ERF: variants seen among roughly 807,000 people sequenced by gnomAD.
ERF encodes ETS2 repressor factor, also known as ETS domain-containing transcription factor ERF.
A neutral mutation model predicts 41.6 loss-of-function variants in ERF; 10 were observed. The observed-to-expected ratio is 0.24, with a 90% CI of 0.15 to 0.41. ERF has a LOEUF of 0.41. Ranked by LOEUF, ERF falls within the 10% of genes least tolerant of loss-of-function variation. ERF has a pLI of 1.00. For missense variants in ERF, 621 were observed against 763.2 expected, an observed-to-expected ratio of 0.81 and a Z score of 2.19; for synonymous variants, 395 against 342.4, an observed-to-expected ratio of 1.15 and a Z score of -1.70.
rs370084630 is a variant in ERF at position 42,254,043 on chromosome 19, G to A, written c.22+935C>T. 278 of 545,914 alleles carry A rather than the reference G, an allele frequency of 5.1e-4. 8 individuals carry two copies. The East Asian group carries it at 0.027, about 54-fold the overall frequency. 33.8% of individuals were successfully genotyped at this position (545,914 alleles called of 1,614,324 possible). A position where few individuals can be genotyped will look rare whatever the true frequency, so the allele number is the denominator to read the frequency against. On this transcript the variant is annotated intron_variant, in intron 1 of 3. Transcript: ENST00000222329. ...CAAAGTCCAGCCCGCGCGAGCCCGG[G>A]GGCGGCGGGGGAGGGGAGGGGGAAA...
At chr19:42,253,449 G>GC (rs1278974132) in intron 1 of ERF, among the ~76,000 whole-genome samples, 1 of 151,602 alleles carries the variant, frequency 6.6e-6, no homozygotes, top group Non-Finnish European at 1.5e-5. Context: ...ACACTGTCCC[G>GC]CCCCCCGACA....
rs142701692 is a variant in ERF at position 42,248,562 on chromosome 19, C to G, written c.1550G>C (p.Gly517Ala). 27 of 1,566,896 alleles carry G rather than the reference C, an allele frequency of 1.7e-5. No individual in the cohort carries two copies. The African/African-American group carries it at 3.6e-4, about 21-fold the overall frequency. Residue 517 changes from glycine to alanine, a missense_variant, in exon 4 of 4, where the codon GGG becomes GCG. Coordinates refer to ENST00000222329, the MANE Select transcript of ERF (RefSeq NM_006494.4). The surrounding 1 kb of genome is among the most constrained non-coding windows in gnomAD (Gnocchi z 4.2). ...EGEDKKVRGE[G>A]PGEAGGPLTP... Reference sequence around the variant, plus strand: ...GAGGGGCCCCCCAGCCTCCCCAGGCCCCTCCCCACGCACCTTCTTGTCCTC... The same window carrying G: ...GAGGGGCCCCCCAGCCTCCCCAGGCGCCTCCCCACGCACCTTCTTGTCCTC...
rs1418120327 is a variant in ERF, at chr19:42,249,979, C to T, written c.258-37G>A. ...GAAATGCCATTGGGAAGGTCAGGTA[C>T]GTGGGACCCAGGTCTAGACTCCACA... On this transcript the variant is annotated intron_variant, in intron 2 of 3. Coordinates refer to ENST00000222329, the MANE Select transcript of ERF (RefSeq NM_006494.4). The surrounding 1 kb of genome is among the most constrained non-coding windows in gnomAD (Gnocchi z 8.6). 40 of 1,590,912 alleles carry T rather than the reference C, an allele frequency of 2.5e-5. No homozygotes were observed. The highest frequency in any genetic ancestry group is 2.2e-4 in the South Asian group (20 of 90,584).
chr19:42,249,062 C>T lies in ERF; in HGVS notation c.1050G>A (p.Leu350=). 3 of 1,612,874 alleles carry T rather than the reference C, an allele frequency of 1.9e-6. No individual in the cohort carries two copies. Among genetic ancestry groups the T allele is most frequent in the Non-Finnish European group, 2.5e-6 (3 of 1,179,484 alleles). The change falls in exon 4 of 4, where the codon CTG becomes CTA. Residue 350 remains leucine (L), a synonymous_variant. Coordinates refer to ENST00000222329, the MANE Select transcript of ERF (RefSeq NM_006494.4). The surrounding 1 kb of genome is among the most constrained non-coding windows in gnomAD (Gnocchi z 8.6). ...PQPQRPDKCP[L]PPMAPETPPV... is the part of the protein sequence containing the mutation. ...GTGGGGTCTCGGGTGCCATGGGCGGCAGCGGGCACTTGTCAGGGCGCTGGG... is the reference window on the plus strand; with the variant it reads ...GTGGGGTCTCGGGTGCCATGGGCGGTAGCGGGCACTTGTCAGGGCGCTGGG...
Position 42,254,919 on chromosome 19 carries a change from T to C in ERF, c.22+59A>G, listed in dbSNP as rs907844592. 13 of 1,505,984 alleles carry C rather than the reference T, an allele frequency of 8.6e-6. No individual in the cohort carries two copies. In the African/African-American group the frequency reaches 8.9e-5, roughly 10 times the overall value. The allele number at this position is 1,505,984 out of a possible 1,614,324, so 93.3% of individuals were successfully genotyped here. On this transcript the variant is annotated intron_variant, in intron 1 of 3. Coordinates refer to ENST00000222329, the MANE Select transcript of ERF (RefSeq NM_006494.4). ...GGACCCCTTCAGCCCCCCCAAAGTT[T>C]CTCCGTTCGGTTTCCCGGGGCAACA... is the stretch of plus-strand genomic sequence containing the variant.
Position 42,249,062 on chromosome 19 carries a change from C to G in ERF, c.1050G>C (p.Leu350=), listed in dbSNP as rs772094252. The G allele has an allele frequency of 1.2e-6, 2 of 1,612,874 alleles. No individual in the cohort carries two copies. Among genetic ancestry groups the G allele is most frequent in the South Asian group, 2.2e-5 (2 of 91,042 alleles). The change falls in exon 4 of 4, where the codon CTG becomes CTC. Residue 350 remains leucine, a synonymous_variant. Coordinates refer to ENST00000222329, the MANE Select transcript of ERF (RefSeq NM_006494.4). This position sits in a 1 kb window ranked among gnomAD's most constrained non-coding sequence, Gnocchi z 8.6. ...PQPQRPDKCP[L]PPMAPETPPV... is the part of the protein sequence containing the mutation. ...GTGGGGTCTCGGGTGCCATGGGCGG[C>G]AGCGGGCACTTGTCAGGGCGCTGGG...
rs772282991 is a variant in ERF, at chr19:42,248,705, G to A, written c.1407C>T (p.Gly469=). Residue 469 remains glycine (G), a synonymous_variant, in exon 4 of 4, where the codon GGC becomes GGT. Transcript: ENST00000222329. The surrounding 1 kb of genome is among the most constrained non-coding windows in gnomAD (Gnocchi z 4.2). The stretch of plus-strand genomic sequence containing the variant: ...TGCACTGGGATGCCCCGGGTGCCTC[G>A]CCGGGCTCAGGCTTAGGGGGTGCAG... ...APPAPPKPEP[G]EAPGASQCMP... The A allele has an allele frequency of 1.7e-5, 28 of 1,612,328 alleles. No individual in the cohort carries two copies. Among genetic ancestry groups the A allele is most frequent in the South Asian group, 1.3e-4 (12 of 91,016 alleles).
rs2036421043 is a variant in ERF at position 42,250,226 on chromosome 19, G to T, written c.257+105C>A. On this transcript the variant is annotated intron_variant, in intron 2 of 3. Coordinates refer to ENST00000222329, the MANE Select transcript of ERF (RefSeq NM_006494.4). The surrounding 1 kb of genome is among the most constrained non-coding windows in gnomAD (Gnocchi z 5.1). Reference sequence around the variant, plus strand: ...GCCCAAGGTCACACAGCTAGGATTTGGCAAAGCCAGGGGTCAGACCCAATG... The same window carrying T: ...GCCCAAGGTCACACAGCTAGGATTTTGCAAAGCCAGGGGTCAGACCCAATG... 2.2e-6 allele frequency: 3 copies of T among 1,335,596 alleles called. No individual in the cohort carries two copies. Among genetic ancestry groups the T allele is most frequent in the South Asian group, 1.4e-5 (1 of 73,592 alleles). The allele number at this position is 1,335,596 out of a possible 1,614,324, so 82.7% of individuals were successfully genotyped here.
Position 42,248,952 on chromosome 19 carries a change from C to T in ERF, c.1160G>A (p.Arg387Gln), listed in dbSNP as rs1476179769. The part of the protein sequence containing the change: ...FKLQPPPLGR[R>Q]QRAAGEKAVA... Reference sequence around the variant, plus strand: ...GGCCTTCTCCCCAGCTGCCCGCTGCCGGCGTCCGAGTGGGGGCGGCTGGAG... The same window carrying T: ...GGCCTTCTCCCCAGCTGCCCGCTGCTGGCGTCCGAGTGGGGGCGGCTGGAG... Residue 387 changes from arginine to glutamine, a missense_variant, in exon 4 of 4, where the codon CGG (arginine) becomes CAG (glutamine). This residue lies in a region of ERF where 569 missense variants were observed against 625.5 expected (regional missense o/e 0.91). Coordinates refer to ENST00000222329, the MANE Select transcript of ERF (RefSeq NM_006494.4). This position sits in a 1 kb window ranked among gnomAD's most constrained non-coding sequence, Gnocchi z 4.2. 4 of 1,606,466 alleles carry T rather than the reference C, an allele frequency of 2.5e-6. No individual in the cohort carries two copies. Among genetic ancestry groups the T allele is most frequent in the Non-Finnish European group, 8.5e-7 (1 of 1,179,618 alleles).
At chr19:42,253,134 C>A (rs574614234) in intron 1 of ERF, among the ~76,000 whole-genome samples, 38 of 152,330 alleles carry the variant, frequency 2.5e-4, no homozygotes, top group African/African-American at 8.7e-4. Context: ...CCCCCAACCT[C>A]ACGTGACGGC....
intron 1 of ERF, among the ~76,000 whole-genome samples, chr19:42,254,313 G>A (rs1402078907): frequency 6.6e-6 from 1 of 152,052 alleles, no homozygotes; most frequent in Admixed American, 6.5e-5. Context: ...AGGGTACCCA[G>A]GTCTCCCCGG....
Position 42,250,420 on chromosome 19 carries a change from G to A in ERF, c.168C>T (p.Val56=). Reference sequence around the variant, plus strand: ...GGGCCACCTCATCAGGGTCTTTGATGACGAATTCCCCGTAGTCCCCCTGCC... The same window carrying A: ...GGGCCACCTCATCAGGGTCTTTGATAACGAATTCCCCGTAGTCCCCCTGCC... ...IAWQGDYGEF[V]IKDPDEVARL... is the part of the protein sequence containing the mutation. The change falls in exon 2 of 4, where the codon GTC becomes GTT. Residue 56 remains valine, a synonymous_variant. Transcript: ENST00000222329. This position sits in a 1 kb window ranked among gnomAD's most constrained non-coding sequence, Gnocchi z 5.1. 1 of 1,613,748 alleles carries A rather than the reference G, an allele frequency of 6.2e-7. No individual in the cohort carries two copies. The highest frequency in any genetic ancestry group is 8.5e-7 in the Non-Finnish European group (1 of 1,180,044).
chr19:42,249,658 C>T lies in ERF; in HGVS notation c.454G>A (p.Val152Met). The T allele has an allele frequency of 1.2e-6, 2 of 1,606,172 alleles. No homozygotes were observed. The highest frequency in any genetic ancestry group is 1.1e-5 in the South Asian group (1 of 90,024). Residue 152 changes from valine (V) to methionine (M), a missense_variant, in exon 4 of 4, where the codon GTG becomes ATG. Physicochemically the swap from Val to Met is conservative, Grantham distance 21. Coordinates refer to ENST00000222329, the MANE Select transcript of ERF (RefSeq NM_006494.4). The surrounding 1 kb of genome is among the most constrained non-coding windows in gnomAD (Gnocchi z 8.6). ...FRFPPSTPSEVLSPTEDPRSP... is the reference protein window; with the variant it reads ...FRFPPSTPSEMLSPTEDPRSP... ...CGGGGGTCCTCGGTGGGGGACAGCA[C>T]CTCGGAGGGCGTTGAGGGAGGGAAG...
Position 42,249,037 on chromosome 19 carries a change from G to A in ERF, c.1075C>T (p.Pro359Ser), listed in dbSNP as rs747311260. 5.0e-6 allele frequency: 8 copies of A among 1,611,776 alleles called. No individual in the cohort carries two copies. In the East Asian group the frequency reaches 1.3e-4, roughly 27 times the overall value. ...GATGACGAGGCCGAGGAGGGGACCGGTGGGGTCTCGGGTGCCATGGGCGGC... is the reference window on the plus strand; with the variant it reads ...GATGACGAGGCCGAGGAGGGGACCGATGGGGTCTCGGGTGCCATGGGCGGC... ...PLPPMAPETP[P>S]VPSSASSSSS... The change falls in exon 4 of 4, where the codon CCG (proline) becomes TCG (serine). Residue 359 changes from proline to serine, a missense_variant. By Grantham distance (74) the Pro-to-Ser change is moderately conservative. Transcript: ENST00000222329. The surrounding 1 kb of genome is among the most constrained non-coding windows in gnomAD (Gnocchi z 8.6).
intron 1 of ERF, among the ~76,000 whole-genome samples, chr19:42,253,345 G>A (rs1212421208): frequency 1.3e-5 from 2 of 152,158 alleles, no homozygotes; most frequent in Non-Finnish European, 2.9e-5. Context: ...GGAGGGGTGC[G>A]GAGCGGCAGG....
At position 42,255,104 on chromosome 19, in the gene ERF, C is replaced by G. The variant is rs1051590549; in HGVS notation, c.-105G>C. 2 of 1,038,760 alleles carry G rather than the reference C, an allele frequency of 1.9e-6. No individual in the cohort carries two copies. Among genetic ancestry groups the G allele is most frequent in the Non-Finnish European group, 2.5e-6 (2 of 805,140 alleles). The allele number at this position is 1,038,760 out of a possible 1,614,324, so 64.3% of individuals were successfully genotyped here. A position where few individuals can be genotyped will look rare whatever the true frequency, so the allele number is the denominator to read the frequency against. On this transcript the variant is annotated 5_prime_UTR_variant, in exon 1 of 4. Transcript: ENST00000222329. ...CGTCGGGCCGCCCTCGCCGCCTCAC[C>G]CGGCCTCGCCTCTCAGAGCCTCTCC...
rs764618715 is a variant in ERF at position 42,248,572 on chromosome 19, G to T, written c.1540C>A (p.Arg514Ser). Residue 514 changes from arginine (R) to serine (S), a missense_variant, in exon 4 of 4, where the codon CGT (arginine) becomes AGT (serine). By Grantham distance (110) the Arg-to-Ser change is moderately radical. Around this residue, in one of 3 missense-constraint regions of ERF, gnomAD observed 569 missense variants for 625.5 expected, o/e 0.91. Coordinates refer to ENST00000222329, the MANE Select transcript of ERF (RefSeq NM_006494.4). The surrounding 1 kb of genome is among the most constrained non-coding windows in gnomAD (Gnocchi z 4.2). Reference sequence around the variant, plus strand: ...CCAGCCTCCCCAGGCCCCTCCCCACGCACCTTCTTGTCCTCACCCTCATCC... The same window carrying T: ...CCAGCCTCCCCAGGCCCCTCCCCACTCACCTTCTTGTCCTCACCCTCATCC... ...FEDEGEDKKV[R>S]GEGPGEAGGP... 1.9e-6 allele frequency: 3 copies of T among 1,572,016 alleles called. No individual in the cohort carries two copies. Among genetic ancestry groups the T allele is most frequent in the South Asian group, 2.3e-5 (2 of 85,618 alleles).
chr19:42,253,708 C>G (rs1476974871), intron 1 of ERF: 1 of 296,294 alleles, frequency 3.4e-6, no homozygotes, highest in African/African-American at 2.3e-5. Context: ...TCCCAATCCC[C>G]TGGCGCCGGA....
Position 42,248,102 on chromosome 19 carries a change from C to G in ERF, c.*363G>C, listed in dbSNP as rs2036359982. On this transcript the variant is annotated 3_prime_UTR_variant, in exon 4 of 4. Coordinates refer to ENST00000222329, the MANE Select transcript of ERF (RefSeq NM_006494.4). The surrounding 1 kb of genome is among the most constrained non-coding windows in gnomAD (Gnocchi z 4.2). ...GCAGAGAACAGGGAGGGAGACAAGG[C>G]TTTACTTCCTAAGCGATTGTAATAG... The G allele has an allele frequency of 5.1e-6, 1 of 196,010 alleles. No individual in the cohort carries two copies. The highest frequency in any genetic ancestry group is 1.0e-5 in the Non-Finnish European group (1 of 97,664). The allele number at this position is 196,010 out of a possible 1,614,324, so 12.1% of individuals were successfully genotyped here. A position where few individuals can be genotyped will look rare whatever the true frequency, so the allele number is the denominator to read the frequency against.
Sources: allele counts gnomAD v4.1 joint callset (sites outside exome capture counted in the v4.1 genomes callset), GRCh38; gene constraint gnomAD v4.1.1; regional missense constraint gnomAD v4.1.1; non-coding constraint Gnocchi (gnomAD v3.1); transcripts MANE v1.5; gene names NCBI Gene and HGNC (gene_info 2026-07-23, HGNC 2026-07-21).